Variants in ZFYVE16 observed in about 807,000 individuals in gnomAD.
The protein encoded by ZFYVE16 is zinc finger FYVE domain-containing protein 16.
ZFYVE16 carries 89 observed loss-of-function variants against 138.1 expected under a neutral mutation model. The observed-to-expected ratio is 0.64, with a 90% confidence interval of 0.54 to 0.77. ZFYVE16 has a LOEUF of 0.77. ZFYVE16 is among the 30% of genes least tolerant of loss of function. The pLI is 0.00. For synonymous variants in ZFYVE16, 596 were observed against 618.3 expected (o/e 0.96, Z 0.53); for missense variants, 1,793 against 1,786.7 (o/e 1.00, Z -0.06).
chr5:80,426,994 A>G (rs1456248746), intron 1 of ZFYVE16, among the ~76,000 whole-genome samples: 1 of 151,430 alleles, frequency 6.6e-6, no homozygotes, highest in Non-Finnish European at 1.5e-5. Flanking sequence ...GCATTTCTCT[A>G]ATGATCAGTG....
chr5:80,471,305 A>G (rs909161241), intron 15 of ZFYVE16, among the ~76,000 whole-genome samples: 5 of 152,118 alleles, frequency 3.3e-5, no homozygotes, highest in Non-Finnish European at 7.4e-5. Context: ...TTTTGCTGCA[A>G]CTGTTACTGC....
intron 7 of ZFYVE16, among the ~76,000 whole-genome samples, chr5:80,445,617 G>A (rs1430148076): frequency 6.6e-6 from 1 of 151,924 alleles, no homozygotes; most frequent in African/African-American, 2.4e-5. Flanking sequence ...CTGGAGTGCA[G>A]TGGCATAATT....
chr5:80,438,093 G>A lies in ZFYVE16; in HGVS notation c.1408G>A (p.Gly470Ser), dbSNP rs746039851. 3 of 1,614,056 alleles carry A rather than the reference G, an allele frequency of 1.9e-6. No individual in the cohort carries two copies. The highest frequency in any genetic ancestry group is 2.5e-6 in the Non-Finnish European group (3 of 1,179,978). Residue 470 changes from glycine (G) to serine (S), a missense_variant, in exon 4 of 19, where the codon GGT becomes AGT. Physicochemically the swap from Gly to Ser is moderately conservative, Grantham distance 56. Transcript: ENST00000505560. ...QTVIRAESLD[G>S]GDTSSTVVES... The stretch of plus-strand genomic sequence containing the variant: ...AGTAATCAGAGCTGAGTCTTTGGAT[G>A]GTGGTGACACCAGTTCTACAGTTGT...
chr5:80,459,546 C>A (rs1220915590), intron 15 of ZFYVE16, 52 bp downstream of exon 15: 1 of 1,466,562 alleles, frequency 6.8e-7, no homozygotes, highest in Non-Finnish European at 9.4e-7. Flanking sequence ...TTTTCCTAAC[C>A]TTTGAAAAAT....
At chr5:80,449,073 A>G (rs1580273047) in intron 8 of ZFYVE16, among the ~76,000 whole-genome samples, 1 of 152,218 alleles carries the variant, frequency 6.6e-6, no homozygotes, top group East Asian at 1.9e-4. Context: ...AGTGGCAAAA[A>G]TATAGTAAGC....
At chr5:80,456,044 A>G (rs1278162575) in intron 12 of ZFYVE16, 1 of 397,170 alleles carries the variant, frequency 2.5e-6, no homozygotes, top group Non-Finnish European at 4.5e-6. Flanking sequence ...TAGGTAATGT[A>G]AGAACTCTAT....
chr5:80,433,511 C>T (rs138438049), intron 2 of ZFYVE16, among the ~76,000 whole-genome samples: 179 of 152,144 alleles, frequency 1.2e-3, no homozygotes, highest in Middle Eastern at 0.01. Context: ...GGGTGCAGCA[C>T]ACCAACATGG....
In ZFYVE16 at chr5:80,437,312, A is replaced by C; in HGVS notation, c.627A>C (p.Ile209=). Residue 209 remains isoleucine, a synonymous_variant, in exon 4 of 19, where the codon ATA becomes ATC. Transcript: ENST00000505560. ...REIGGIKELG[I]KVDTTLSDSY... ...TCGGAGGAATCAAAGAATTGGGTAT[A>C]AAAGTAGATACAACACTTTCAGATT... 6.2e-7 allele frequency: 1 copy of C among 1,605,230 alleles called. No individual in the cohort carries two copies. The highest frequency in any genetic ancestry group is 8.5e-7 in the Non-Finnish European group (1 of 1,176,386).
rs907713544 is a variant in ZFYVE16, at chr5:80,478,195, C to T, written c.*818C>T. 6.6e-6 allele frequency: 1 copy of T among 151,898 alleles called. No individual in the cohort carries two copies. The highest frequency in any genetic ancestry group is 6.5e-5 in the Admixed American group (1 of 15,268). The allele number at this position is 151,898 out of a possible 1,614,324, so 9.4% of individuals were successfully genotyped here. A position where few individuals can be genotyped will look rare whatever the true frequency, so the allele number is the denominator to read the frequency against. ...TTTCCTCCTTTCCTTCCAAACTATA[C>T]CACTGTATTTACCACTTCTAAGAGT... On this transcript the variant is annotated 3_prime_UTR_variant, in exon 19 of 19. Coordinates refer to ENST00000505560, the MANE Select transcript of ZFYVE16 (RefSeq NM_001284236.3).
In ZFYVE16 at chr5:80,438,455, T is replaced by A. The variant is rs758401387; in HGVS notation, c.1770T>A (p.His590Gln). Residue 590 changes from histidine to glutamine, a missense_variant, in exon 4 of 19, where the codon CAT becomes CAA. Transcript: ENST00000505560. Reference protein sequence around the residue: ...NAEAGAIGESHGINIICEIVD... With the variant: ...NAEAGAIGESQGINIICEIVD... ...AAGCAGGAGCTATTGGGGAAAGTCA[T>A]GGTATTAATATAATTTGTGAAATAG... 6.2e-7 allele frequency: 1 copy of A among 1,613,778 alleles called. No individual in the cohort carries two copies. Among genetic ancestry groups the A allele is most frequent in the African/African-American group, 1.3e-5 (1 of 74,904 alleles).
At chr5:80,434,029 T>C in intron 2 of ZFYVE16, 80 bp from the exon 3 acceptor site, 2 of 920,766 alleles carry the variant, frequency 2.2e-6, no homozygotes, top group South Asian at 3.6e-5. Context: ...ATTTCTTGAC[T>C]GTGTTTCCTG....
Position 80,427,610 on chromosome 5 carries a change from C to CTTTTTTTTTTTTT in ZFYVE16, c.-40+71_-40+83dup. The stretch of plus-strand genomic sequence containing the variant: ...TAGTTTCTTGTGCCTCTGTCGTATG[C>CTTTTTTTTTTTTT]TTTTTTTTTTTTTTTTTTGAATTTT... On this transcript the variant is annotated intron_variant, in intron 2 of 18. Coordinates refer to ENST00000505560, the MANE Select transcript of ZFYVE16 (RefSeq NM_001284236.3). The CTTTTTTTTTTTTT allele has an allele frequency of 6.2e-4, 31 of 49,998 alleles. 1 individual carries two copies. Among genetic ancestry groups the CTTTTTTTTTTTTT allele is most frequent in the South Asian group, 1.0e-3 (1 of 958 alleles). 3.1% of individuals were successfully genotyped at this position (49,998 alleles called of 1,614,324 possible). A position where few individuals can be genotyped will look rare whatever the true frequency, so the allele number is the denominator to read the frequency against.
At chr5:80,476,849 ATAT>A (rs1161793939) in intron 18 of ZFYVE16, among the ~76,000 whole-genome samples, 9 of 152,236 alleles carry the variant, frequency 5.9e-5, no homozygotes, top group Non-Finnish European at 1.3e-4. Flanking sequence ...CTAATATTAA[ATAT>A]TATTGCAACA....
intron 1 of ZFYVE16, among the ~76,000 whole-genome samples, chr5:80,417,768 A>G (rs1015387111): frequency 6.6e-6 from 1 of 152,152 alleles, no homozygotes; most frequent in Non-Finnish European, 1.5e-5. Context: ...TTATGAATAA[A>G]CCTGTTTATA....
chr5:80,451,020 C>T (rs1403675731), intron 10 of ZFYVE16, among the ~76,000 whole-genome samples: 2 of 152,066 alleles, frequency 1.3e-5, no homozygotes, highest in Non-Finnish European at 2.9e-5. Flanking sequence ...CCATGCTGGC[C>T]AGGCTGGTCT....
chr5:80,456,030 T>C, intron 12 of ZFYVE16: 2 of 409,972 alleles, frequency 4.9e-6, no homozygotes, highest in South Asian at 5.9e-5. Context: ...AGTTCTTGGA[T>C]ATTTAGGTAA....
chr5:80,465,396 C>CTTTTTTTTTTTTTTTTTTTTTTTTT (rs1187412933), intron 15 of ZFYVE16, among the ~76,000 whole-genome samples: 3 of 26,396 alleles, frequency 1.1e-4, no homozygotes, highest in Non-Finnish European at 3.2e-4. Flanking sequence ...TTTTCCTTTT[C>CTTTTTTTTTTTTTTTTTTTTTTTTT]TTTGTTTTTT....
chr5:80,433,745 C>G (rs1315554090), intron 2 of ZFYVE16, among the ~76,000 whole-genome samples: 1 of 151,824 alleles, frequency 6.6e-6, no homozygotes, highest in Non-Finnish European at 1.5e-5. Flanking sequence ...TGAAGTACCA[C>G]TTTTCCTGAA....
At chr5:80,449,466 A>G (rs1751750303) in intron 8 of ZFYVE16, 125 bp from the exon 9 acceptor site, 1 of 985,438 alleles carries the variant, frequency 1.0e-6, no homozygotes, top group African/African-American at 1.7e-5. Context: ...GATTTTATGA[A>G]ACATGTTTGC....
Sources: gnomAD v4.1 joint callset for allele counts (sites outside exome capture counted in the v4.1 genomes callset) on GRCh38, gnomAD v4.1.1 for gene constraint, MANE v1.5 for transcripts, NCBI Gene and HGNC (gene_info 2026-07-23, HGNC 2026-07-21) for gene names.